The following PLCB1 variants were observed in gnomAD, a reference collection of about 807,000 sequenced individuals.
The protein encoded by PLCB1 is phospholipase C beta 1.
Under a neutral mutation model 161.8 loss-of-function variants are expected in PLCB1, and 46 were observed. The ratio of observed to expected loss-of-function variants is 0.28; its 90% CI spans 0.22 to 0.36. The LOEUF (loss-of-function observed/expected upper bound fraction) is 0.36, where lower values mean the gene tolerates loss of function less well. Ranked by LOEUF, PLCB1 falls within the 10% of genes least tolerant of loss-of-function variation. PLCB1 has a pLI of 1.00. For synonymous variants in PLCB1, 517 were observed against 503.7 expected, an observed-to-expected ratio of 1.03 and a Z score of -0.35; for missense variants, 1,016 against 1,472.5, an observed-to-expected ratio of 0.69 and a Z score of 5.07.
chr20:8,416,116 T>A (rs1365695640), intron 3 of PLCB1, among the ~76,000 whole-genome samples: 2 of 152,196 alleles, frequency 1.3e-5, no homozygotes, highest in Admixed American at 1.3e-4. Flanking sequence ...CAGGTGTGAT[T>A]TGTTTGAAAT....
intron 23 of PLCB1, chr20:8,750,839 C>T (rs1981422433): frequency 6.6e-6 from 9 of 1,365,078 alleles, no homozygotes; most frequent in South Asian, 1.1e-5. Context: ...TGAGACTCAC[C>T]CGTAATACGC....
At chr20:8,566,405 C>T (rs1250616106) in intron 3 of PLCB1, among the ~76,000 whole-genome samples, 4 of 152,122 alleles carry the variant, frequency 2.6e-5, no homozygotes, top group Non-Finnish European at 5.9e-5. Context: ...ATTCTAGCAC[C>T]TTCAAAGTCG....
At chr20:8,360,047 G>A (rs536278872) in intron 2 of PLCB1, among the ~76,000 whole-genome samples, 2 of 152,334 alleles carry the variant, frequency 1.3e-5, no homozygotes, top group South Asian at 4.1e-4. Flanking sequence ...AGTGGAGGAA[G>A]CAAGACATGG....
At chr20:8,338,878 T>C (rs1985689491) in intron 2 of PLCB1, among the ~76,000 whole-genome samples, 1 of 152,182 alleles carries the variant, frequency 6.6e-6, no homozygotes, top group African/African-American at 2.4e-5. Flanking sequence ...TACTGATAAT[T>C]ACCTTTCATT....
chr20:8,187,054 A>C (rs1240196772), intron 2 of PLCB1, among the ~76,000 whole-genome samples: 1 of 152,140 alleles, frequency 6.6e-6, no homozygotes, highest in African/African-American at 2.4e-5. Context: ...TTACCAGTAC[A>C]TCTTTCTAAA....
chr20:8,355,225 TA>T (rs373531273), intron 2 of PLCB1, among the ~76,000 whole-genome samples: 280 of 144,634 alleles, frequency 1.9e-3, no homozygotes, highest in Non-Finnish European at 2.6e-3. Flanking sequence ...GTATTTGTCT[TA>T]AAAAAAAAAA....
At chr20:8,722,005 T>C (rs1238447595) in intron 14 of PLCB1, among the ~76,000 whole-genome samples, 1 of 152,224 alleles carries the variant, frequency 6.6e-6, no homozygotes, top group Non-Finnish European at 1.5e-5. Flanking sequence ...TATATCAAAA[T>C]AGAATACATG....
intron 1 of PLCB1, among the ~76,000 whole-genome samples, chr20:8,150,085 A>G (rs913127301): frequency 1.3e-5 from 2 of 152,098 alleles, no homozygotes; most frequent in African/African-American, 4.8e-5. Context: ...CAAGTTATGT[A>G]TAAGTCTTCT....
chr20:8,533,625 C>G (rs1600134046), intron 3 of PLCB1, among the ~76,000 whole-genome samples: 1 of 151,088 alleles, frequency 6.6e-6, no homozygotes, highest in African/African-American at 2.4e-5. Context: ...TGATGGTGAG[C>G]ATTTTTTCAT....
Position 8,881,593 on chromosome 20 carries a change from A to C in PLCB1, c.3424-29A>C, listed in dbSNP as rs539938334. ...TGGGTATAGAAACATAAACAACTTCAAGTCATCTCCCCTCTTGATGTCTCT... is the reference window on the plus strand; with the variant it reads ...TGGGTATAGAAACATAAACAACTTCCAGTCATCTCCCCTCTTGATGTCTCT... On this transcript the variant is annotated intron_variant, in intron 31 of 31. Coordinates refer to ENST00000338037, the MANE Select transcript of PLCB1 (RefSeq NM_015192.4). The C allele has an allele frequency of 3.5e-5, 55 of 1,559,008 alleles. 1 individual carries two copies. The South Asian group carries it at 5.3e-4, about 15-fold the overall frequency.
intron 2 of PLCB1, among the ~76,000 whole-genome samples, chr20:8,203,233 C>T (rs969879492): frequency 2.0e-5 from 3 of 151,678 alleles, no homozygotes; most frequent in African/African-American, 4.9e-5. Context: ...ACAATAGGAA[C>T]GTGGGACCGA....
chr20:8,378,293 G>A (rs1455191211), intron 3 of PLCB1, among the ~76,000 whole-genome samples: 5 of 152,154 alleles, frequency 3.3e-5, no homozygotes, highest in Admixed American at 3.3e-4. Flanking sequence ...TCTTATATGA[G>A]GTACAGGCAT....
At chr20:8,847,173 C>G (rs2146297148) in intron 31 of PLCB1, among the ~76,000 whole-genome samples, 1 of 151,926 alleles carries the variant, frequency 6.6e-6, no homozygotes, top group East Asian at 2.0e-4. Context: ...GCAAGATTCT[C>G]ACACACCATC....
chr20:8,525,563 CAGAG>C (rs1361853468), intron 3 of PLCB1, among the ~76,000 whole-genome samples: 1 of 152,138 alleles, frequency 6.6e-6, no homozygotes, highest in Admixed American at 6.5e-5. Flanking sequence ...CCTTTGGGCA[CAGAG>C]AGATCTTAAA....
intron 2 of PLCB1, among the ~76,000 whole-genome samples, chr20:8,160,441 T>G (rs1276498099): frequency 6.6e-6 from 1 of 152,112 alleles, no homozygotes; most frequent in Non-Finnish European, 1.5e-5. Context: ...ACTGGACAAT[T>G]TATAAAAGAA....
intron 3 of PLCB1, among the ~76,000 whole-genome samples, chr20:8,555,947 C>A (rs1985937707): frequency 1.3e-5 from 2 of 150,872 alleles, no homozygotes; most frequent in South Asian, 4.2e-4. Context: ...TTAGACTTGA[C>A]AAATTACATG....
At chr20:8,309,772 T>C (rs1005573726) in intron 2 of PLCB1, among the ~76,000 whole-genome samples, 2 of 152,224 alleles carry the variant, frequency 1.3e-5, no homozygotes, top group Non-Finnish European at 2.9e-5. Flanking sequence ...TCCATGGTGC[T>C]GATTTGCATA....
intron 9 of PLCB1, among the ~76,000 whole-genome samples, chr20:8,672,717 A>G (rs1173137698): frequency 6.6e-6 from 1 of 152,156 alleles, no homozygotes; most frequent in African/African-American, 2.4e-5. Flanking sequence ...CACAGAGCTC[A>G]TGCAAAGTGT....
At chr20:8,237,375 T>C (rs1490450716) in intron 2 of PLCB1, among the ~76,000 whole-genome samples, 1 of 151,976 alleles carries the variant, frequency 6.6e-6, no homozygotes, top group African/African-American at 2.4e-5. Context: ...AAATGAACAA[T>C]AAGATCTTAT....
Sources: allele counts gnomAD v4.1 joint callset (sites outside exome capture counted in the v4.1 genomes callset), GRCh38; gene constraint gnomAD v4.1.1; transcripts MANE v1.5; gene names NCBI Gene and HGNC (gene_info 2026-07-23, HGNC 2026-07-21).